Variants in SPIDR observed in about 807,000 individuals in gnomAD.
The protein encoded by SPIDR is scaffold protein involved in DNA repair.
SPIDR carries 93 observed loss-of-function variants against 104.6 expected under a neutral mutation model. The observed-to-expected ratio is 0.89, with a 90% CI of 0.75 to 1.06. SPIDR has a LOEUF of 1.06. Among genes scored for constraint, SPIDR ranks in the 50% least tolerant of loss-of-function variants. SPIDR has a pLI of 0.00. For missense variants in SPIDR, 1,154 were observed against 1,111.2 expected, an observed-to-expected ratio of 1.04 and a Z score of -0.55; for synonymous variants, 431 against 416.9, an observed-to-expected ratio of 1.03 and a Z score of -0.41.
At chr8:47,310,971 C>G (rs1446478724) in intron 5 of SPIDR, among the ~76,000 whole-genome samples, 1 of 152,076 alleles carries the variant, frequency 6.6e-6, no homozygotes, top group African/African-American at 2.4e-5. Context: ...AAATGTGACC[C>G]ATACTTAAGT....
At chr8:47,519,837 AT>A (rs1427214096) in intron 8 of SPIDR, among the ~76,000 whole-genome samples, 2 of 152,250 alleles carry the variant, frequency 1.3e-5, no homozygotes, top group African/African-American at 2.4e-5. Flanking sequence ...TCCAAAAAAA[AT>A]AAAAAGATTA....
intron 11 of SPIDR, among the ~76,000 whole-genome samples, chr8:47,675,490 CCCTTATTAAGACTGAA>C (rs1487346104): frequency 6.6e-6 from 1 of 152,126 alleles, no homozygotes; most frequent in Non-Finnish European, 1.5e-5. Context: ...ATGAGTCTTA[CCCTTATTAAGACTGAA>C]CCTCATTTTA....
In SPIDR at chr8:47,611,262, A is replaced by G. The variant is rs550509899; in HGVS notation, c.1544+12066A>G. ...CAGAGGTGATGTCTAGTCTGTTCCA[A>G]TCAGATAGAGGATGAGACACTGGGA... On this transcript the variant is annotated intron_variant, in intron 10 of 19. Coordinates refer to ENST00000297423, the MANE Select transcript of SPIDR (RefSeq NM_001080394.4). Among the ~76,000 whole-genome samples, 23 of 152,338 alleles carry G rather than the reference A, an allele frequency of 1.5e-4. No homozygotes were observed. The South Asian group carries it at 3.1e-3, about 21-fold the overall frequency.
At chr8:47,588,373 G>T (rs537775087) in intron 8 of SPIDR, among the ~76,000 whole-genome samples, 4 of 146,934 alleles carry the variant, frequency 2.7e-5, no homozygotes, top group African/African-American at 7.5e-5. Flanking sequence ...TTCCCATTTT[G>T]GTGTCCATGA....
chr8:47,485,209 A>T (rs1403400316), intron 8 of SPIDR, among the ~76,000 whole-genome samples: 1 of 152,242 alleles, frequency 6.6e-6, no homozygotes, highest in Non-Finnish European at 1.5e-5. Flanking sequence ...TATCCCGTGC[A>T]AGGCTCGGAG....
At chr8:47,477,207 T>C (rs188705115) in intron 8 of SPIDR, among the ~76,000 whole-genome samples, 1 of 149,434 alleles carries the variant, frequency 6.7e-6, no homozygotes, top group South Asian at 2.1e-4. Flanking sequence ...CGCAATATAT[T>C]TTTTTTTTTT....
At chr8:47,561,724 C>T (rs1463193061) in intron 8 of SPIDR, among the ~76,000 whole-genome samples, 1 of 152,206 alleles carries the variant, frequency 6.6e-6, no homozygotes, top group Non-Finnish European at 1.5e-5. Flanking sequence ...CCCTGGGTCC[C>T]TTGTACCATC....
At chr8:47,514,234 T>C (rs1363765602) in intron 8 of SPIDR, among the ~76,000 whole-genome samples, 2 of 152,350 alleles carry the variant, frequency 1.3e-5, no homozygotes, top group East Asian at 3.9e-4. Context: ...GAGGTTTTTT[T>C]CATTCATTTG....
intron 7 of SPIDR, among the ~76,000 whole-genome samples, chr8:47,436,528 C>G (rs1247026517): frequency 2.0e-5 from 3 of 152,058 alleles, no homozygotes; most frequent in Non-Finnish European, 4.4e-5. Context: ...TCAAGACCAG[C>G]CTGGGCAATA....
At position 47,599,196 on chromosome 8, in the gene SPIDR, G is replaced by C; in HGVS notation, c.1544G>C (p.Arg515Pro). The C allele has an allele frequency of 6.2e-7, 1 of 1,612,974 alleles. No homozygotes were observed. The highest frequency in any genetic ancestry group is 8.5e-7 in the Non-Finnish European group (1 of 1,179,552). Residue 515 changes from arginine to proline, a missense_variant and splice_region_variant, in exon 10 of 20, where the codon CGA (arginine) becomes CCA (proline). Physicochemically the swap from Arg to Pro is moderately radical, Grantham distance 103 (BLOSUM62 -2). Coordinates refer to ENST00000297423, the MANE Select transcript of SPIDR (RefSeq NM_001080394.4). Reference protein sequence around the residue: ...SSGHTDPAGTRACLLVQDACG... With the variant: ...SSGHTDPAGTPACLLVQDACG... Reference sequence around the variant, plus strand: ...GGACACACAGACCCAGCTGGAACTCGGTGAGTGCCAAGATGCTGGTGTGGG... The same window carrying C: ...GGACACACAGACCCAGCTGGAACTCCGTGAGTGCCAAGATGCTGGTGTGGG...
chr8:47,396,430 T>G lies in SPIDR; in HGVS notation c.580T>G (p.Leu194Val). ...ATCAGATAGTGAAAAAGAAGATGAT[T>G]TGGAAAATGTCCTACTCATTGATTC... ...YSSDSEKEDD[L>V]ENVLLIDSES... The change falls in exon 6 of 20, where the codon TTG (leucine) becomes GTG (valine). Residue 194 changes from leucine to valine, a missense_variant. Transcript: ENST00000297423. 6.2e-7 allele frequency: 1 copy of G among 1,613,724 alleles called. No individual in the cohort carries two copies.
intron 8 of SPIDR, among the ~76,000 whole-genome samples, chr8:47,479,242 C>T (rs1441420968): frequency 2.0e-5 from 3 of 151,616 alleles, no homozygotes; most frequent in African/African-American, 7.3e-5. Context: ...GCCTGTAATC[C>T]CAGCTACTCA....
At chr8:47,517,838 T>G (rs1208271469) in intron 8 of SPIDR, among the ~76,000 whole-genome samples, 1 of 152,242 alleles carries the variant, frequency 6.6e-6, no homozygotes, top group Non-Finnish European at 1.5e-5. Context: ...GAGATTAATT[T>G]TAATTACTTT....
At chr8:47,674,510 A>G (rs1328263032) in intron 11 of SPIDR, among the ~76,000 whole-genome samples, 2 of 152,168 alleles carry the variant, frequency 1.3e-5, no homozygotes, top group Non-Finnish European at 2.9e-5. Context: ...GGGGGAAAAA[A>G]AAAAGAAACA....
At chr8:47,517,276 G>A (rs1053252167) in intron 8 of SPIDR, among the ~76,000 whole-genome samples, 16 of 152,180 alleles carry the variant, frequency 1.1e-4, no homozygotes, top group African/African-American at 3.1e-4. Context: ...GTGAGCCACC[G>A]TGCCTGGCAG....
chr8:47,637,398 C>G (rs540099796), intron 10 of SPIDR, among the ~76,000 whole-genome samples: 6 of 152,236 alleles, frequency 3.9e-5, no homozygotes, highest in Non-Finnish European at 7.4e-5. Flanking sequence ...GGTGAAATCC[C>G]TTCTCTACTA....
chr8:47,354,488 A>T (rs566911120), intron 5 of SPIDR, among the ~76,000 whole-genome samples: 46 of 152,160 alleles, frequency 3.0e-4, no homozygotes, highest in Middle Eastern at 6.8e-3. Flanking sequence ...AATTTTTTTT[A>T]AAAAATTTGA....
intron 10 of SPIDR, among the ~76,000 whole-genome samples, chr8:47,647,179 T>C (rs1047896659): frequency 6.6e-6 from 1 of 152,210 alleles, no homozygotes; most frequent in African/African-American, 2.4e-5. Context: ...AAATATTTAT[T>C]GTGTGCCTAC....
At chr8:47,268,983 A>G (rs772969169) in intron 1 of SPIDR, among the ~76,000 whole-genome samples, 115 of 152,066 alleles carry the variant, frequency 7.6e-4, no homozygotes, top group South Asian at 3.7e-3. Context: ...CCTGGGCAAC[A>G]TGGTAAAACT....
Sources: gnomAD v4.1 joint callset for allele counts (sites outside exome capture counted in the v4.1 genomes callset) on GRCh38, gnomAD v4.1.1 for gene constraint, MANE v1.5 for transcripts, NCBI Gene and HGNC (gene_info 2026-07-23, HGNC 2026-07-21) for gene names.